The following ERP27 variants were observed in gnomAD, a reference collection of about 807,000 sequenced individuals.
The protein encoded by ERP27 is endoplasmic reticulum resident protein 27.
A neutral mutation model predicts 27.7 loss-of-function variants in ERP27; 23 were observed. The ratio of observed to expected loss-of-function variants is 0.83; its 90% CI spans 0.60 to 1.18. The LOEUF is 1.18. Among genes scored for constraint, ERP27 ranks in the 50% most tolerant of loss-of-function variants. The pLI is 0.00. For missense variants in ERP27, 363 were observed against 327.9 expected (o/e 1.11, Z -0.83); for synonymous variants, 159 against 118.3 (o/e 1.34, Z -2.23).
At chr12:14,935,864 G>A (rs1863765812) in intron 2 of ERP27, among the ~76,000 whole-genome samples, 2 of 152,282 alleles carry the variant, frequency 1.3e-5, no homozygotes, top group South Asian at 4.1e-4. Context: ...GACTACAGGT[G>A]TTCACCACCA....
rs113342345 is a variant in ERP27 at position 14,914,580 on chromosome 12, G to GCA, written c.*154_*155insTG. 23 of 572,094 alleles carry GCA rather than the reference G, an allele frequency of 4.0e-5. No individual in the cohort carries two copies. The East Asian group carries it at 5.6e-4, about 14-fold the overall frequency. The allele number at this position is 572,094 out of a possible 1,614,324, so 35.4% of individuals were successfully genotyped here. A position where few individuals can be genotyped will look rare whatever the true frequency, so the allele number is the denominator to read the frequency against. ...GCTCTGTGTGTGTGTGTGTGTGTGC[G>GCA]TGTGTGTGTGCACGCGTGCGTGCGT... On this transcript the variant is annotated 3_prime_UTR_variant, in exon 7 of 7. Coordinates refer to ENST00000266397, the MANE Select transcript of ERP27 (RefSeq NM_152321.4).
chr12:14,918,739 T>C (rs1225592932), intron 4 of ERP27, among the ~76,000 whole-genome samples: 1 of 152,218 alleles, frequency 6.6e-6, no homozygotes, highest in African/African-American at 2.4e-5. Context: ...CCAGCTCTTT[T>C]GGCTGCCTAC....
At chr12:14,916,467 A>T (rs1863413176) in intron 5 of ERP27, among the ~76,000 whole-genome samples, 2 of 152,182 alleles carry the variant, frequency 1.3e-5, no homozygotes, top group Admixed American at 1.3e-4. Context: ...ATTTTTATTC[A>T]GCTTTTGGCC....
intron 5 of ERP27, among the ~76,000 whole-genome samples, chr12:14,916,970 C>A (rs568650417): frequency 6.6e-6 from 1 of 152,300 alleles, no homozygotes; most frequent in East Asian, 1.9e-4. Flanking sequence ...TTAATCACTA[C>A]AGGAAGATAT....
At chr12:14,928,513 A>G (rs1863645098) in intron 3 of ERP27, among the ~76,000 whole-genome samples, 1 of 152,216 alleles carries the variant, frequency 6.6e-6, no homozygotes, top group South Asian at 2.1e-4. Context: ...TTTCATAATT[A>G]TTTGCCGAGT....
chr12:14,929,843 T>C (rs954139281), intron 3 of ERP27, among the ~76,000 whole-genome samples: 2 of 152,314 alleles, frequency 1.3e-5, no homozygotes, highest in Non-Finnish European at 1.5e-5. Flanking sequence ...ACAGTTATAG[T>C]ATTAAATGTC....
chr12:14,925,642 T>A (rs114071218), intron 3 of ERP27, among the ~76,000 whole-genome samples: 1,797 of 152,342 alleles, frequency 0.012, 43 homozygotes, highest in African/African-American at 0.041. Flanking sequence ...TTGTATTATT[T>A]GTGTCTTTAA....
At chr12:14,923,431 A>G (rs1863540341) in intron 3 of ERP27, among the ~76,000 whole-genome samples, 1 of 151,358 alleles carries the variant, frequency 6.6e-6, no homozygotes, top group South Asian at 2.1e-4. Context: ...AATTTGTGTT[A>G]TAAAAATAAT....
chr12:14,930,963 T>C lies in ERP27; in HGVS notation c.333+3893A>G, dbSNP rs117562017. Among the ~76,000 whole-genome samples, 1,070 of 152,262 alleles carry C rather than the reference T, an allele frequency of 7.0e-3. 22 individuals carry two copies. Among genetic ancestry groups the C allele is most frequent in the East Asian group, 0.029 (150 of 5,194 alleles). ...GAGAAAATAGTTGAAAGAAAAAAAG[T>C]AGGCTTTAGAATGAGGGACATTAGA... On this transcript the variant is annotated intron_variant, in intron 3 of 6. Coordinates refer to ENST00000266397, the MANE Select transcript of ERP27 (RefSeq NM_152321.4).
chr12:14,938,394 C>A (rs1343893562), intron 1 of ERP27, 21 bp downstream of exon 1: 3 of 1,612,260 alleles, frequency 1.9e-6, no homozygotes, highest in Non-Finnish European at 2.5e-6. Context: ...CTATAGCCAC[C>A]CAACTACATT....
chr12:14,923,488 AATCAATCTATCTATCTATCTATCT>A (rs1470664399), intron 3 of ERP27, among the ~76,000 whole-genome samples: 1 of 111,920 alleles, frequency 8.9e-6, no homozygotes, highest in Non-Finnish European at 1.9e-5. Flanking sequence ...ATCTATCTAT[AATCAATCTATCTATCTATCTATCT>A]ATCTATCTAT....
chr12:14,931,782 T>C (rs1863701299), intron 3 of ERP27, among the ~76,000 whole-genome samples: 1 of 152,064 alleles, frequency 6.6e-6, no homozygotes, highest in Admixed American at 6.6e-5. Flanking sequence ...CGTATCTTGG[T>C]GGTACTAAGC....
intron 3 of ERP27, among the ~76,000 whole-genome samples, chr12:14,924,081 T>C (rs2193360): frequency 0.65 from 99,199 of 152,022 alleles, 32,588 homozygotes; most frequent in East Asian, 0.86. Context: ...TCTCTACTTC[T>C]ATAGATCCAT....
rs937204299 is a variant in ERP27, at chr12:14,914,478, G to C, written c.*257C>G. 1.5e-5 allele frequency: 7 copies of C among 476,990 alleles called. No individual in the cohort carries two copies. The highest frequency in any genetic ancestry group is 1.4e-4 in the African/African-American group (7 of 51,012). 29.5% of individuals were successfully genotyped at this position (476,990 alleles called of 1,614,324 possible). On this transcript the variant is annotated 3_prime_UTR_variant, in exon 7 of 7. Coordinates refer to ENST00000266397, the MANE Select transcript of ERP27 (RefSeq NM_152321.4). ...CAGAGTATGAATGCACGATAAGAAG[G>C]AAATTGGATAGGGAGTGAGGATATG...
chr12:14,924,684 G>A (rs968805901), intron 3 of ERP27, among the ~76,000 whole-genome samples: 5 of 152,240 alleles, frequency 3.3e-5, no homozygotes, highest in Admixed American at 6.5e-5. Flanking sequence ...TGAGCCTATC[G>A]CTGTCAGAGA....
rs1218214626 is a variant in ERP27, at chr12:14,914,583, T to TGTGTGTGCACGCGTGCGTGC, written c.*132_*151dup. 2.6e-4 allele frequency: 145 copies of TGTGTGTGCACGCGTGCGTGC among 551,616 alleles called. No homozygotes were observed. Among genetic ancestry groups the TGTGTGTGCACGCGTGCGTGC allele is most frequent in the Non-Finnish European group, 4.0e-4 (125 of 311,206 alleles). 34.2% of individuals were successfully genotyped at this position (551,616 alleles called of 1,614,324 possible). On this transcript the variant is annotated 3_prime_UTR_variant, in exon 7 of 7. Coordinates refer to ENST00000266397, the MANE Select transcript of ERP27 (RefSeq NM_152321.4). ...CTGTGTGTGTGTGTGTGTGTGCGTG[T>TGTGTGTGCACGCGTGCGTGC]GTGTGTGCACGCGTGCGTGCGTGTG...
chr12:14,925,446 G>A (rs1005987701), intron 3 of ERP27, among the ~76,000 whole-genome samples: 12 of 152,156 alleles, frequency 7.9e-5, no homozygotes, highest in Admixed American at 7.8e-4. Context: ...CTCCTTAGAA[G>A]GCTCTAAATG....
At chr12:14,924,180 A>G (rs1482418303) in intron 3 of ERP27, among the ~76,000 whole-genome samples, 1 of 152,200 alleles carries the variant, frequency 6.6e-6, no homozygotes. Flanking sequence ...CTCTGGGTCT[A>G]TCTGTGCTCC....
intron 3 of ERP27, among the ~76,000 whole-genome samples, chr12:14,927,209 T>C (rs887936745): frequency 1.3e-5 from 2 of 152,184 alleles, no homozygotes; most frequent in Admixed American, 6.6e-5. Flanking sequence ...TAACATTTTA[T>C]CTTTTGTTAA....
Sources: gnomAD v4.1 joint callset for allele counts (sites outside exome capture counted in the v4.1 genomes callset) on GRCh38, gnomAD v4.1.1 for gene constraint, MANE v1.5 for transcripts, NCBI Gene and HGNC (gene_info 2026-07-23, HGNC 2026-07-21) for gene names.